Variants in KLHL38 observed in about 807,000 individuals in gnomAD.
The protein encoded by KLHL38 is kelch like family member 38, also known as kelch-like protein 38.
A neutral mutation model predicts 39.6 loss-of-function variants in KLHL38; 38 were observed. The ratio of observed to expected loss-of-function variants is 0.96; its 90% CI spans 0.74 to 1.26. KLHL38 has a LOEUF of 1.26. Ranked by LOEUF, KLHL38 falls within the 50% of genes most tolerant of loss-of-function variation. KLHL38 has a pLI of 0.00. For synonymous variants in KLHL38, 322 were observed against 302.2 expected (o/e 1.07, Z -0.68); for missense variants, 803 against 748.1 (o/e 1.07, Z -0.86).
At chr8:123,648,698 C>G (rs1400882793) in intron 2 of KLHL38, among the ~76,000 whole-genome samples, 2 of 152,052 alleles carry the variant, frequency 1.3e-5, no homozygotes, top group African/African-American at 2.4e-5. Flanking sequence ...GTCAAGGAAG[C>G]GATATTTTGT....
chr8:123,651,645 C>T lies in KLHL38; in HGVS notation c.1282G>A (p.Val428Met), dbSNP rs775589627. The T allele has an allele frequency of 1.2e-5, 20 of 1,613,312 alleles. No homozygotes were observed. Among genetic ancestry groups the T allele is most frequent in the Admixed American group, 8.3e-5 (5 of 59,962 alleles). Reference sequence around the variant, plus strand: ...AAGAGATAGAGTCTTTGGTCTTTCACAGCGACTGCGGGGTGGAGCACCCCC... The same window carrying T: ...AAGAGATAGAGTCTTTGGTCTTTCATAGCGACTGCGGGGTGGAGCACCCCC... Reference protein sequence around the residue: ...PVGVLHPAVAVKDQRLYLFGG... With the variant: ...PVGVLHPAVAMKDQRLYLFGG... The change falls in exon 2 of 4, where the codon GTG (valine) becomes ATG (methionine). Residue 428 changes from valine to methionine, a missense_variant. Physicochemically the swap from Val to Met is conservative, Grantham distance 21. Coordinates refer to ENST00000684634, the MANE Select transcript of KLHL38 (RefSeq NM_001081675.3).
Position 123,650,394 on chromosome 8 carries a change from T to G in KLHL38, c.1350+1183A>C, listed in dbSNP as rs556041332. Among the ~76,000 whole-genome samples, 18 of 152,332 alleles carry G rather than the reference T, an allele frequency of 1.2e-4. No individual in the cohort carries two copies. The South Asian group carries it at 3.5e-3, about 30-fold the overall frequency. ...GCATTCAAAGCTGTCTTGGGCTGTATGCGTGTTGGGCAAGCTTGCTCTAGA... is the reference window on the plus strand; with the variant it reads ...GCATTCAAAGCTGTCTTGGGCTGTAGGCGTGTTGGGCAAGCTTGCTCTAGA... On this transcript the variant is annotated intron_variant, in intron 2 of 3. Transcript: ENST00000684634.
At chr8:123,647,356 T>C (rs1415289657) in intron 2 of KLHL38, among the ~76,000 whole-genome samples, 1 of 152,220 alleles carries the variant, frequency 6.6e-6, no homozygotes, top group East Asian at 1.9e-4. Flanking sequence ...AGAAAACCAA[T>C]GATTTTCTGA....
intron 1 of KLHL38, 125 bp from the exon 2 acceptor site, chr8:123,653,052 G>T: frequency 1.0e-6 from 1 of 953,136 alleles, no homozygotes; most frequent in Non-Finnish European, 1.5e-6. Flanking sequence ...CATGATGTTT[G>T]CGGATGTCAC....
At chr8:123,653,128 G>A (rs992348727) in intron 1 of KLHL38, among the ~76,000 whole-genome samples, 3 of 152,176 alleles carry the variant, frequency 2.0e-5, no homozygotes, top group South Asian at 4.2e-4. Context: ...AGCCCTTTTG[G>A]GTTATGGTTA....
Position 123,645,229 on chromosome 8 carries a change from G to A in KLHL38, c.*510C>T, listed in dbSNP as rs1587050094. On this transcript the variant is annotated 3_prime_UTR_variant, in exon 4 of 4. Transcript: ENST00000684634. The stretch of plus-strand genomic sequence containing the variant: ...GAGGCCGGTGGATCACTTGAGACCA[G>A]GAGTTCGTGACCAGCCTGGCCAACA... Among the ~76,000 whole-genome samples the A allele has an allele frequency of 1.3e-5, 2 of 152,262 alleles. No individual in the cohort carries two copies. Among genetic ancestry groups the A allele is most frequent in the South Asian group, 4.2e-4 (2 of 4,818 alleles).
intron 1 of KLHL38, among the ~76,000 whole-genome samples, chr8:123,653,335 A>G (rs7463896): frequency 0.74 from 113,227 of 152,058 alleles, 42,357 homozygotes; most frequent in Non-Finnish European, 0.79. Flanking sequence ...TTATTGAGTA[A>G]CAGATGTCTA....
Position 123,646,014 on chromosome 8 carries a change from TC to T in KLHL38, c.1470del (p.Ile491PhefsTer17), listed in dbSNP as rs763378082. On this transcript the variant is annotated frameshift_variant, in exon 4 of 4. Transcript: ENST00000684634. LOFTEE classifies it high-confidence loss of function. ...RIVIVGGYTR[R>X]ILAYDPQSNK... ...TTGGATTGAGGGTCATAAGCAAGAATCCTCCTTGTGTAACCTGAAAACCAAA... is the reference window on the plus strand; with the variant it reads ...TTGGATTGAGGGTCATAAGCAAGAATCTCCTTGTGTAACCTGAAAACCAAA... 4.0e-5 allele frequency: 65 copies of T among 1,613,900 alleles called. No individual in the cohort carries two copies. Among genetic ancestry groups the T allele is most frequent in the Non-Finnish European group, 5.5e-5 (65 of 1,179,942 alleles).
In KLHL38 at chr8:123,652,807, G is replaced by C. The variant is rs368986487; in HGVS notation, c.120C>G (p.Ala40=). 24 of 1,613,534 alleles carry C rather than the reference G, an allele frequency of 1.5e-5. No homozygotes were observed. The African/African-American group carries it at 3.1e-4, about 21-fold the overall frequency. ...SRILTDVSIC[A]GAREIPCHRN... ...GGTGGCAGGGGATCTCCCGGGCACC[G>C]GCACAGATGCTCACATCAGTCAGGA... The change falls in exon 2 of 4, where the codon GCC becomes GCG. Residue 40 remains alanine, a synonymous_variant. Coordinates refer to ENST00000684634, the MANE Select transcript of KLHL38 (RefSeq NM_001081675.3).
chr8:123,653,439 A>T (rs964720832), intron 1 of KLHL38, among the ~76,000 whole-genome samples, 147 bp downstream of exon 1: 2 of 152,304 alleles, frequency 1.3e-5, no homozygotes, highest in East Asian at 3.9e-4. Context: ...AAGAAAATGG[A>T]CCTTTGATGC....
chr8:123,652,815 T>A lies in KLHL38; in HGVS notation c.112A>T (p.Ile38Phe). ...GGGATCTCCCGGGCACCGGCACAGA[T>A]GCTCACATCAGTCAGGATCCTGCTT... is the stretch of plus-strand genomic sequence containing the variant. ...RQSRILTDVS[I>F]CAGAREIPCH... Residue 38 changes from isoleucine (I) to phenylalanine (F), a missense_variant, in exon 2 of 4, where the codon ATC (isoleucine) becomes TTC (phenylalanine). Coordinates refer to ENST00000684634, the MANE Select transcript of KLHL38 (RefSeq NM_001081675.3). 6.2e-7 allele frequency: 1 copy of A among 1,613,510 alleles called. No homozygotes were observed. The highest frequency in any genetic ancestry group is 8.5e-7 in the Non-Finnish European group (1 of 1,180,024).
At position 123,652,026 on chromosome 8, in the gene KLHL38, CCCTGGTGGTCTGCTGGCTGTCCTT is replaced by C. The variant is rs1812656831; in HGVS notation, c.877_900del (p.Lys293_Arg300del). On this transcript the variant is annotated inframe_deletion, in exon 2 of 4. Transcript: ENST00000684634. ...GTCTGTTTGCTGTACAGTAGGACGT[CCCTGGTGGTCTGCTGGCTGTCCTT>C]CCTTCCGCCCAAGAGGATGAGGAAA... 4.3e-6 allele frequency: 7 copies of C among 1,614,216 alleles called. No homozygotes were observed. Among genetic ancestry groups the C allele is most frequent in the Non-Finnish European group, 5.9e-6 (7 of 1,180,048 alleles).
chr8:123,646,859 A>T (rs1254433778), intron 3 of KLHL38, 50 bp downstream of exon 3: 1 of 1,297,166 alleles, frequency 7.7e-7, no homozygotes, highest in South Asian at 1.3e-5. Flanking sequence ...TTTTTTCCAT[A>T]GAAGGTGCCA....
At position 123,645,477 on chromosome 8, in the gene KLHL38, G is replaced by GAGAC. The variant is rs1554587885; in HGVS notation, c.*258_*261dup. On this transcript the variant is annotated 3_prime_UTR_variant, in exon 4 of 4. Coordinates refer to ENST00000684634, the MANE Select transcript of KLHL38 (RefSeq NM_001081675.3). ...AGAGAGAGAGAGAGAGAGAGAGAGA[G>GAGAC]AGACAGACAGAGATAGGGGAGAGAA... 8.9e-3 allele frequency: 4,215 copies of GAGAC among 471,794 alleles called. 31 individuals carry two copies. The highest frequency in any genetic ancestry group is 0.014 in the South Asian group (391 of 27,528). The allele number at this position is 471,794 out of a possible 1,614,324, so 29.2% of individuals were successfully genotyped here.
Position 123,651,742 on chromosome 8 carries a change from C to T in KLHL38, c.1185G>A (p.Gln395=). ...ACCTTTCCATGGAGCCCATGAGCTC[C>T]TGCCCTTCTCCAATCCCCCCGATGG... ...IFSIGGIGEG[Q]ELMGSMERYD... is the part of the protein sequence containing the mutation. Residue 395 remains glutamine (Q), a synonymous_variant, in exon 2 of 4, where the codon CAG becomes CAA. Coordinates refer to ENST00000684634, the MANE Select transcript of KLHL38 (RefSeq NM_001081675.3). 6.2e-7 allele frequency: 1 copy of T among 1,614,204 alleles called. No homozygotes were observed. Among genetic ancestry groups the T allele is most frequent in the Non-Finnish European group, 8.5e-7 (1 of 1,180,036 alleles).
rs762889283 is a variant in KLHL38, at chr8:123,651,591, C to T, written c.1336G>A (p.Val446Met). 6.3e-7 allele frequency: 1 copy of T among 1,582,356 alleles called. No individual in the cohort carries two copies. The highest frequency in any genetic ancestry group is 8.6e-7 in the Non-Finnish European group (1 of 1,167,222). The change falls in exon 2 of 4, where the codon GTG becomes ATG. Residue 446 changes from valine (V) to methionine (M), a missense_variant. Physicochemically the swap from Val to Met is conservative, Grantham distance 21 (BLOSUM62 1). Transcript: ENST00000684634. The part of the protein sequence containing the change: ...FGGEDIMQNP[V>M]RLIQVYHISR... ...CGGCCATTTACCTGGATAAGGCGCA[C>T]AGGGTTCTGCATGATGTCCTCTCCT...
chr8:123,648,067 C>A lies in KLHL38; in HGVS notation c.1351-1053G>T, dbSNP rs375508511. 2.0e-5 allele frequency among the ~76,000 whole-genome samples: 3 copies of A among 152,096 alleles called. 1 individual carries two copies. In the South Asian group the frequency reaches 6.2e-4, roughly 32 times the overall value. On this transcript the variant is annotated intron_variant, in intron 2 of 3. Coordinates refer to ENST00000684634, the MANE Select transcript of KLHL38 (RefSeq NM_001081675.3). ...CTGCACTCTAGCCTGGGTGACAGAG[C>A]GAAACTCCTTCTCAAAAAATAAAAT...
chr8:123,646,737 A>G (rs1451254040), intron 3 of KLHL38, among the ~76,000 whole-genome samples, 172 bp downstream of exon 3: 2 of 152,230 alleles, frequency 1.3e-5, no homozygotes, highest in African/African-American at 2.4e-5. Flanking sequence ...AAAGACAGGG[A>G]AAAACTTCTG....
Position 123,652,884 on chromosome 8 carries a change from C to T in KLHL38, c.43G>A (p.Asp15Asn), listed in dbSNP as rs61910739. The change falls in exon 2 of 4, where the codon GAC becomes AAC. Residue 15 changes from aspartate to asparagine, a missense_variant. Physicochemically the swap from Asp to Asn is conservative, Grantham distance 23. Transcript: ENST00000684634. Reference protein sequence around the residue: ...SLDGLLFKDHDFSSDLLRQLN... With the variant: ...SLDGLLFKDHNFSSDLLRQLN... ...TGCCTCAACAAGTCAGAAGAGAAGT[C>T]GTGGTCTTTGAAGAGCAGCCCATCT... 87,891 of 1,602,530 alleles carry T rather than the reference C, an allele frequency of 0.055. 2,724 individuals carry two copies. The highest frequency in any genetic ancestry group is 0.063 in the Non-Finnish European group (74,595 of 1,179,758).
Sources: allele counts gnomAD v4.1 joint callset (sites outside exome capture counted in the v4.1 genomes callset), GRCh38; gene constraint gnomAD v4.1.1; transcripts MANE v1.5; gene names NCBI Gene and HGNC (gene_info 2026-07-23, HGNC 2026-07-21).